The following OXCT1 variants were observed in gnomAD, a reference collection of about 807,000 sequenced individuals.
OXCT1 encodes the protein 3-oxoacid CoA-transferase 1.
In OXCT1, 27 loss-of-function variants were observed where a neutral mutation model predicts 69.6. That is an observed-to-expected ratio of 0.39 (90% confidence interval 0.29 to 0.54). The LOEUF is 0.54. Among genes scored for constraint, OXCT1 ranks in the 20% least tolerant of loss-of-function variants. OXCT1 has a pLI of 0.72. For synonymous variants in OXCT1, 202 were observed against 217.8 expected (o/e 0.93, Z 0.64); for missense variants, 437 against 650.2 (o/e 0.67, Z 3.57).
Position 41,838,759 on chromosome 5 carries a change from G to A in OXCT1, c.732+1692C>T, listed in dbSNP as rs77549989. Among the ~76,000 whole-genome samples, 500 of 152,074 alleles carry A rather than the reference G, an allele frequency of 3.3e-3. 1 individual carries two copies. The highest frequency in any genetic ancestry group is 0.011 in the African/African-American group (473 of 41,464). ...TCAGACCTCAGCTCCTGGGTAGCTG[G>A]GACTTAGGCACATGCCACCACGTCT... On this transcript the variant is annotated intron_variant, in intron 7 of 16. Coordinates refer to ENST00000196371, the MANE Select transcript of OXCT1 (RefSeq NM_000436.4).
chr5:41,782,133 T>A (rs1225291414), intron 13 of OXCT1, among the ~76,000 whole-genome samples: 1 of 151,802 alleles, frequency 6.6e-6, no homozygotes, highest in Non-Finnish European at 1.5e-5. Context: ...TTTTTTTAAT[T>A]TTTAGTAATA....
intron 13 of OXCT1, among the ~76,000 whole-genome samples, chr5:41,780,578 T>A (rs533046304): frequency 1.3e-5 from 2 of 152,202 alleles, no homozygotes; most frequent in Non-Finnish European, 2.9e-5. Context: ...GAGAATTGTG[T>A]AGAGTGTCTA....
intron 7 of OXCT1, among the ~76,000 whole-genome samples, chr5:41,810,106 A>G (rs993295033): frequency 2.0e-5 from 3 of 152,170 alleles, no homozygotes; most frequent in African/African-American, 7.2e-5. Context: ...ATGAAGAGGC[A>G]GAACTATCTT....
intron 13 of OXCT1, among the ~76,000 whole-genome samples, chr5:41,772,372 AAG>A (rs968209857): frequency 1.3e-5 from 2 of 152,052 alleles, no homozygotes; most frequent in Non-Finnish European, 2.9e-5. Context: ...CAAAAAAAAA[AAG>A]AGAGAGAGAG....
Position 41,832,148 on chromosome 5 carries a change from C to T in OXCT1, c.732+8303G>A, listed in dbSNP as rs77052199. On this transcript the variant is annotated intron_variant, in intron 7 of 16. Transcript: ENST00000196371. ...AATGCAGACCTGGCTGGCTTCGCCA[C>T]CTGTTTATTGTAGAGCCCTAGGGCC... 5.8e-3 allele frequency among the ~76,000 whole-genome samples: 889 copies of T among 152,330 alleles called. 8 individuals are homozygous for T. The highest frequency in any genetic ancestry group is 0.02 in the African/African-American group (847 of 41,584).
rs373008144 is a variant in OXCT1, at chr5:41,840,518, G to A, written c.672-7C>T. ...GAAATTCCTTGCACTTTTCCTACAG[G>A]GGTGGAGGAGATAAGAAAGTGGGGG... On this transcript the variant is annotated splice_polypyrimidine_tract_variant and splice_region_variant and intron_variant, in intron 6 of 16. Coordinates refer to ENST00000196371, the MANE Select transcript of OXCT1 (RefSeq NM_000436.4). The A allele has an allele frequency of 1.1e-4, 175 of 1,606,390 alleles. No individual in the cohort carries two copies. Among genetic ancestry groups the A allele is most frequent in the Middle Eastern group, 1.7e-4 (1 of 6,058 alleles).
chr5:41,744,132 T>C (rs1743345217), intron 15 of OXCT1, among the ~76,000 whole-genome samples: 1 of 152,194 alleles, frequency 6.6e-6, no homozygotes, highest in Non-Finnish European at 1.5e-5. Flanking sequence ...TTCTTCCATT[T>C]GTTTGTATCC....
chr5:41,868,178 A>G (rs182059852), intron 1 of OXCT1, among the ~76,000 whole-genome samples: 1 of 152,226 alleles, frequency 6.6e-6, no homozygotes, highest in African/African-American at 2.4e-5. Context: ...GAAAATAACT[A>G]TCTCGTTTTA....
chr5:41,767,023 A>G (rs920960905), intron 13 of OXCT1, among the ~76,000 whole-genome samples: 6 of 152,118 alleles, frequency 3.9e-5, no homozygotes, highest in African/African-American at 1.4e-4. Flanking sequence ...TGTCTTCCCC[A>G]TTATTAAAAA....
chr5:41,743,726 T>C (rs1743316148), intron 15 of OXCT1, among the ~76,000 whole-genome samples: 1 of 152,196 alleles, frequency 6.6e-6, no homozygotes, highest in South Asian at 2.1e-4. Context: ...GCACCATTTA[T>C]TAAATAGGGA....
rs780685232 is a variant in OXCT1, at chr5:41,862,770, A to T, written c.79-20T>A. On this transcript the variant is annotated intron_variant, in intron 1 of 16. Transcript: ENST00000196371. Reference sequence around the variant, plus strand: ...ACATCCCTGAAATATTAAAAAAAAAAAATTGATAATCATTTGGAGATACAG... The same window carrying T: ...ACATCCCTGAAATATTAAAAAAAAATAATTGATAATCATTTGGAGATACAG... The T allele has an allele frequency of 9.6e-6, 14 of 1,452,410 alleles. No individual in the cohort carries two copies. Among genetic ancestry groups the T allele is most frequent in the Non-Finnish European group, 1.3e-5 (13 of 1,033,288 alleles). The allele number at this position is 1,452,410 out of a possible 1,614,324, so 90.0% of individuals were successfully genotyped here.
At chr5:41,832,868 C>T (rs1308856165) in intron 7 of OXCT1, among the ~76,000 whole-genome samples, 1 of 152,132 alleles carries the variant, frequency 6.6e-6, no homozygotes, top group Non-Finnish European at 1.5e-5. Context: ...AACTGACATA[C>T]TGCTGAATGC....
At chr5:41,748,356 C>A (rs980477874) in intron 15 of OXCT1, among the ~76,000 whole-genome samples, 15 of 151,820 alleles carry the variant, frequency 9.9e-5, no homozygotes, top group African/African-American at 3.6e-4. Context: ...AGGAGAGGAC[C>A]CACAGGAAGA....
intron 5 of OXCT1, among the ~76,000 whole-genome samples, chr5:41,845,460 TG>T (rs896047555): frequency 1.3e-5 from 2 of 152,182 alleles, no homozygotes; most frequent in Non-Finnish European, 2.9e-5. Flanking sequence ...CAGGAGGACT[TG>T]ATCTAGATCA....
At chr5:41,775,169 TTC>T (rs1745062804) in intron 13 of OXCT1, among the ~76,000 whole-genome samples, 1 of 152,160 alleles carries the variant, frequency 6.6e-6, no homozygotes, top group Admixed American at 6.5e-5. Flanking sequence ...TTCAACTCAC[TTC>T]TGACCCTAAC....
chr5:41,859,891 T>TATATATATATATATATATTTA (rs1554019118), intron 3 of OXCT1, among the ~76,000 whole-genome samples: 1 of 114,212 alleles, frequency 8.8e-6, no homozygotes, highest in African/African-American at 3.0e-5. Context: ...ATATATGTAA[T>TATATATATATATATATATTTA]ATATATATAT....
chr5:41,801,898 G>A (rs1487958221), intron 10 of OXCT1, among the ~76,000 whole-genome samples: 1 of 151,658 alleles, frequency 6.6e-6, no homozygotes, highest in Non-Finnish European at 1.5e-5. Flanking sequence ...AAAATAAAAG[G>A]CATACTATAT....
rs1206754858 is a variant in OXCT1 at position 41,749,560 on chromosome 5, T to G, written c.1386A>C (p.Gly462=). The G allele has an allele frequency of 6.2e-7, 1 of 1,609,550 alleles. No individual in the cohort carries two copies. The highest frequency in any genetic ancestry group is 1.7e-4 in the Middle Eastern group (1 of 6,032). ...TAATAATGCGGTTGACACATTGCTT[T>G]CCAGTCAATGGTAATGTACATTTCT... ...IMEKCTLPLT[G]KQCVNRIITE... The change falls in exon 15 of 17, where the codon GGA becomes GGC. Residue 462 remains glycine (G), a synonymous_variant. Coordinates refer to ENST00000196371, the MANE Select transcript of OXCT1 (RefSeq NM_000436.4).
At chr5:41,792,432 A>G (rs1745967625) in intron 13 of OXCT1, among the ~76,000 whole-genome samples, 1 of 152,158 alleles carries the variant, frequency 6.6e-6, no homozygotes, top group Admixed American at 6.5e-5. Flanking sequence ...TAACCCAAAG[A>G]GCATAAGTGA....
Sources: allele counts gnomAD v4.1 joint callset (sites outside exome capture counted in the v4.1 genomes callset), GRCh38; gene constraint gnomAD v4.1.1; transcripts MANE v1.5; gene names NCBI Gene and HGNC (gene_info 2026-07-23, HGNC 2026-07-21).